Variants in ERBB2 observed in about 807,000 individuals in gnomAD.
The protein encoded by ERBB2 is erb-b2 receptor tyrosine kinase 2.
Under a neutral mutation model 149.0 loss-of-function variants are expected in ERBB2, and 61 were observed. The observed-to-expected ratio is 0.41, with a 90% CI of 0.33 to 0.51. The LOEUF (loss-of-function observed/expected upper bound fraction) is 0.51. Ranked by LOEUF, ERBB2 falls within the 20% of genes least tolerant of loss-of-function variation. The pLI is 0.25. For missense variants in ERBB2, 1,205 were observed against 1,655.1 expected, an observed-to-expected ratio of 0.73 and a Z score of 4.72; for synonymous variants, 633 against 678.8, an observed-to-expected ratio of 0.93 and a Z score of 1.05.
intron 1 of ERBB2, among the ~76,000 whole-genome samples, chr17:39,704,175 C>T (rs1357018651): frequency 6.6e-6 from 1 of 152,182 alleles, no homozygotes; most frequent in Non-Finnish European, 1.5e-5. Flanking sequence ...TGTGGCTGGT[C>T]CTGCCTCATA....
At chr17:39,697,162 C>A (rs1444725410), upstream of ERBB2, among the ~76,000 whole-genome samples, 1 of 152,076 alleles carries the variant, frequency 6.6e-6, no homozygotes, top group Non-Finnish European at 1.5e-5. Context: ...ACCCTAACAC[C>A]AGCTCAAGAG....
intron 1 of ERBB2, chr17:39,706,613 G>A (rs192751816): frequency 1.7e-5 from 3 of 174,232 alleles, no homozygotes; most frequent in African/African-American, 4.7e-5. Context: ...TTCATGATTC[G>A]TCATCGCCTC....
chr17:39,699,508 G>T, upstream of ERBB2: 5 of 1,508,340 alleles, frequency 3.3e-6, no homozygotes, highest in Non-Finnish European at 4.4e-6. Flanking sequence ...TCCCAAATTT[G>T]TAGACCCTCT....
At position 39,728,418 on chromosome 17, in the gene ERBB2, G is replaced by A. The variant is rs943946890; in HGVS notation, c.*374G>A. Reference sequence around the variant, plus strand: ...TAAGGGAGTGTCTAAGAACAAAAGCGACCCATTCAGAGACTGTCCCTGAAA... The same window carrying A: ...TAAGGGAGTGTCTAAGAACAAAAGCAACCCATTCAGAGACTGTCCCTGAAA... On this transcript the variant is annotated 3_prime_UTR_variant, in exon 27 of 27. Coordinates refer to ENST00000269571, the MANE Select transcript of ERBB2 (RefSeq NM_004448.4). The A allele has an allele frequency of 2.6e-5, 7 of 269,504 alleles. No homozygotes were observed. The highest frequency in any genetic ancestry group is 8.6e-5 in the African/African-American group (4 of 46,666). The allele number at this position is 269,504 out of a possible 1,614,324, so 16.7% of individuals were successfully genotyped here.
Position 39,726,519 on chromosome 17 carries a change from C to T in ERBB2, c.2873-43C>T, listed in dbSNP as rs2143122364. The T allele has an allele frequency of 6.5e-7, 1 of 1,548,508 alleles. No homozygotes were observed. Among genetic ancestry groups the T allele is most frequent in the Non-Finnish European group, 8.9e-7 (1 of 1,120,564 alleles). On this transcript the variant is annotated intron_variant, in intron 23 of 26. Transcript: ENST00000269571. The surrounding 1 kb of genome is among the most constrained non-coding windows in gnomAD (Gnocchi z 5.1). ...AGTGGGAGGGGAGAGGCAGCAAGCA[C>T]ACAGGGCCTGGGACTAGCATGCTGA... is the stretch of plus-strand genomic sequence containing the variant.
chr17:39,694,261 A>ACACACC (rs2057798565), upstream of ERBB2, among the ~76,000 whole-genome samples: 1 of 21,100 alleles, frequency 4.7e-5, no homozygotes, highest in Non-Finnish European at 1.3e-4. Flanking sequence ...ATATATATAT[A>ACACACC]TATATATGTG....
At chr17:39,706,875 A>G in intron 1 of ERBB2, 115 bp from the exon 2 acceptor site, 2 of 1,067,446 alleles carry the variant, frequency 1.9e-6, no homozygotes, top group Non-Finnish European at 2.6e-6. Flanking sequence ...GGGGTCCTTC[A>G]GTCAGGCTTC....
At chr17:39,698,321 G>A (rs559873621), upstream of ERBB2, among the ~76,000 whole-genome samples, 129 of 150,324 alleles carry the variant, frequency 8.6e-4, no homozygotes, top group Non-Finnish European at 1.6e-3. Flanking sequence ...GTGCAGAGGC[G>A]CAATCTCAGC....
At chr17:39,688,339 A>G (rs1335552332) in intron 1 of ERBB2, 2 of 238,420 alleles carry the variant, frequency 8.4e-6, no homozygotes, top group Non-Finnish European at 1.6e-5. Flanking sequence ...ACCTGTAACT[A>G]TCCACTTCTC....
Position 39,726,412 on chromosome 17 carries a change from AC to A in ERBB2, c.2873-146del, listed in dbSNP as rs2059763408. The A allele has an allele frequency of 1.6e-6, 1 of 638,294 alleles. No individual in the cohort carries two copies. Among genetic ancestry groups the A allele is most frequent in the East Asian group, 2.7e-5 (1 of 36,418 alleles). 39.5% of individuals were successfully genotyped at this position (638,294 alleles called of 1,614,324 possible). ...GAGATGCCAAAGGTTCTGGCTGAAG[AC>A]CCCAGAGTCTGGTGCTACTTCTCTA... On this transcript the variant is annotated intron_variant, in intron 23 of 26. Transcript: ENST00000269571. This position sits in a 1 kb window ranked among gnomAD's most constrained non-coding sequence, Gnocchi z 5.1.
At chr17:39,694,226 A>AAT (rs1417710622), upstream of ERBB2, among the ~76,000 whole-genome samples, 346 of 18,478 alleles carry the variant, frequency 0.019, 1 homozygote, top group Non-Finnish European at 0.023. Flanking sequence ...AAAAAAAAAA[A>AAT]ATATATATAT....
intron 20 of ERBB2, 60 bp from the exon 21 acceptor site, chr17:39,724,989 T>C (rs1006088441): frequency 5.0e-6 from 8 of 1,609,086 alleles, no homozygotes; most frequent in Non-Finnish European, 6.0e-6. Flanking sequence ...GGACTCTTGC[T>C]GGGCATGTGG....
chr17:39,689,833 G>A (rs935570805), intron 2 of ERBB2, among the ~76,000 whole-genome samples: 15 of 151,278 alleles, frequency 9.9e-5, no homozygotes, highest in African/African-American at 3.7e-4. Context: ...TGAACCCAGG[G>A]AGGCAGAGGT....
intron 4 of ERBB2, 136 bp from the exon 5 acceptor site, chr17:39,709,677 C>T: frequency 2.0e-6 from 2 of 978,308 alleles, no homozygotes; most frequent in Non-Finnish European, 3.1e-6. Context: ...GGGGGCCTCT[C>T]AGCCTGTCTG....
At chr17:39,709,109 A>AC in intron 3 of ERBB2, 3 of 609,476 alleles carry the variant, frequency 4.9e-6, no homozygotes, top group Non-Finnish European at 8.7e-6. Flanking sequence ...TAGCATGGAC[A>AC]ACTCACTCCT....
intron 9 of ERBB2, chr17:39,713,215 C>T (rs1006619545): frequency 1.2e-4 from 18 of 152,124 alleles, no homozygotes; most frequent in African/African-American, 3.6e-4. Flanking sequence ...CAACCTCTGC[C>T]TCCTGGATTC....
chr17:39,710,852 ATGTACT>A (rs2058754533), intron 7 of ERBB2, among the ~76,000 whole-genome samples: 2 of 152,236 alleles, frequency 1.3e-5, no homozygotes, highest in African/African-American at 4.8e-5. Flanking sequence ...GGTGCCTGGT[ATGTACT>A]AAGTGCTCCT....
Position 39,723,287 on chromosome 17 carries a change from C to T in ERBB2, c.1947-32C>T, listed in dbSNP as rs2145799977. On this transcript the variant is annotated intron_variant, in intron 16 of 26. Coordinates refer to ENST00000269571, the MANE Select transcript of ERBB2 (RefSeq NM_004448.4). The surrounding 1 kb of genome is among the most constrained non-coding windows in gnomAD (Gnocchi z 6.2). ...TTTGTCCCTCCCACCCCAAACTAGC[C>T]CTCAATCCCTGACCCTGGCTTCCGC... is the stretch of plus-strand genomic sequence containing the variant. 1.2e-6 allele frequency: 2 copies of T among 1,610,774 alleles called. No homozygotes were observed. The highest frequency in any genetic ancestry group is 1.7e-6 in the Non-Finnish European group (2 of 1,177,562).
chr17:39,717,550 T>C, intron 15 of ERBB2, 70 bp downstream of exon 15: 1 of 1,321,564 alleles, frequency 7.6e-7, no homozygotes, highest in Non-Finnish European at 1.0e-6. Flanking sequence ...GCTCTTACTA[T>C]AAAAGGGGAC....
Sources: gnomAD v4.1 joint callset for allele counts (sites outside exome capture counted in the v4.1 genomes callset) on GRCh38, gnomAD v4.1.1 for gene constraint, Gnocchi (gnomAD v3.1) non-coding constraint, MANE v1.5 for transcripts, NCBI Gene and HGNC (gene_info 2026-07-23, HGNC 2026-07-21) for gene names.